Variants in BOP1 observed in about 807,000 individuals in gnomAD.
BOP1 encodes ribosome biogenesis protein BOP1.
A neutral mutation model predicts 82.9 loss-of-function variants in BOP1; 54 were observed. That is an observed-to-expected ratio of 0.65 (90% CI 0.52 to 0.82). BOP1 has a LOEUF of 0.82. Among genes scored for constraint, BOP1 ranks in the 40% least tolerant of loss-of-function variants. The probability of loss-of-function intolerance (pLI) is 0.00; values close to 1 mark genes in which losing one functional copy is unlikely to be tolerated. For synonymous variants in BOP1, 566 were observed against 451.1 expected (o/e 1.25, Z -3.23); for missense variants, 1,170 against 1,072.0 (o/e 1.09, Z -1.28).
intron 3 of BOP1, among the ~76,000 whole-genome samples, chr8:144,270,298 A>G (rs1036133904): frequency 1.4e-3 from 213 of 152,242 alleles, no homozygotes; most frequent in African/African-American, 4.9e-3. Flanking sequence ...GAGGGAGTGC[A>G]GGGGAAAGAG....
At chr8:144,267,156 C>T in intron 3 of BOP1, 1 of 1,531,094 alleles carries the variant, frequency 6.5e-7, no homozygotes, top group Non-Finnish European at 8.7e-7. Flanking sequence ...TCTGCACCTT[C>T]TGCCTCAGCA....
intron 3 of BOP1, among the ~76,000 whole-genome samples, chr8:144,266,272 G>A (rs1246539863): frequency 6.6e-6 from 1 of 152,112 alleles, no homozygotes; most frequent in Non-Finnish European, 1.5e-5. Context: ...CGCATCCCCA[G>A]AGACGGAACG....
chr8:144,265,350 T>G, intron 3 of BOP1: 3 of 552,588 alleles, frequency 5.4e-6, no homozygotes, highest in Non-Finnish European at 9.7e-6. Flanking sequence ...CCTCACTGGA[T>G]TCCTTGGCCA....
At chr8:144,268,319 G>A (rs1002657672) in intron 3 of BOP1, 14 of 887,390 alleles carry the variant, frequency 1.6e-5, no homozygotes, top group South Asian at 5.2e-5. Context: ...GACAGGCGCC[G>A]GCAGCGGGAC....
At chr8:144,288,419 T>C (rs1814942224) in intron 2 of BOP1, among the ~76,000 whole-genome samples, 1 of 150,870 alleles carries the variant, frequency 6.6e-6, no homozygotes, top group Admixed American at 6.6e-5. Context: ...TCCCAGCTAC[T>C]AGAGAGGCTG....
chr8:144,276,415 G>T, intron 2 of BOP1, 111 bp from the exon 3 acceptor site: 1 of 1,240,422 alleles, frequency 8.1e-7, no homozygotes, highest in Non-Finnish European at 1.1e-6. Context: ...CTCCAGCCTG[G>T]CACAGGCCTC....
chr8:144,286,904 G>C (rs1814894633), intron 2 of BOP1, among the ~76,000 whole-genome samples: 1 of 152,258 alleles, frequency 6.6e-6, no homozygotes, highest in African/African-American at 2.4e-5. Context: ...AGGACCTGGT[G>C]CTCCAGGGGC....
At position 144,263,558 on chromosome 8, in the gene BOP1, C is replaced by CA; in HGVS notation, c.1343dup (p.Arg449GlufsTer58). 1 of 1,602,012 alleles carries CA rather than the reference C, an allele frequency of 6.2e-7. No individual in the cohort carries two copies. The highest frequency in any genetic ancestry group is 8.5e-7 in the Non-Finnish European group (1 of 1,179,742). ...CCACGCCCCCCACGGGAACAGTCCT[C>CA]ACACAGCGGGCAGTGGCCACCTCCC... On this transcript the variant is annotated frameshift_variant, in exon 11 of 16. Coordinates refer to ENST00000569669, the MANE Select transcript of BOP1 (RefSeq NM_015201.5). LOFTEE classifies it high-confidence loss of function.
chr8:144,287,547 C>G (rs1554839606), intron 2 of BOP1, among the ~76,000 whole-genome samples: 1 of 152,042 alleles, frequency 6.6e-6, no homozygotes, highest in Non-Finnish European at 1.5e-5. Context: ...GTCACCCAGG[C>G]TGGAGTGCAG....
chr8:144,267,171 G>C (rs1377328884), intron 3 of BOP1: 3 of 1,528,996 alleles, frequency 2.0e-6, no homozygotes, highest in Non-Finnish European at 1.7e-6. Context: ...TCAGCAACCA[G>C]AGAAAGTTGG....
rs1419161803 is a variant in BOP1, at chr8:144,264,216, C to A, written c.978+9G>T. On this transcript the variant is annotated intron_variant, in intron 7 of 15. Coordinates refer to ENST00000569669, the MANE Select transcript of BOP1 (RefSeq NM_015201.5). ...GGACAGGGTCCCGGCCCCCAGGATG[C>A]AGGCCCACCTCCTCCTCGCTGAGCA... 1 of 1,607,018 alleles carries A rather than the reference C, an allele frequency of 6.2e-7. No individual in the cohort carries two copies. The highest frequency in any genetic ancestry group is 8.5e-7 in the Non-Finnish European group (1 of 1,177,854).
intron 2 of BOP1, among the ~76,000 whole-genome samples, chr8:144,283,201 C>CAAAAAAAAAAAAAAAAGAA (rs1814765910): frequency 1.8e-5 from 1 of 54,346 alleles, no homozygotes; most frequent in African/African-American, 1.4e-4. Flanking sequence ...AACTCCATCT[C>CAAAAAAAAAAAAAAAAGAA]AAAAAAAAAA....
At chr8:144,277,235 G>C (rs1845581407) in intron 2 of BOP1, among the ~76,000 whole-genome samples, 1 of 151,644 alleles carries the variant, frequency 6.6e-6, no homozygotes, top group African/African-American at 2.4e-5. Context: ...AATATAAAGA[G>C]AGATGGGAGA....
chr8:144,267,140 A>G (rs1845392015), intron 3 of BOP1: 1 of 1,526,326 alleles, frequency 6.6e-7, no homozygotes, highest in Non-Finnish European at 8.7e-7. Flanking sequence ...ACCCAGCCCA[A>G]ACAGATCTGC....
rs1231832789 is a variant in BOP1, at chr8:144,263,102, G to A, written c.1645C>T (p.Leu549=). Residue 549 remains leucine (L), a synonymous_variant, in exon 13 of 16, where the codon CTG becomes TTG. Coordinates refer to ENST00000569669, the MANE Select transcript of BOP1 (RefSeq NM_015201.5). The stretch of plus-strand genomic sequence containing the variant: ...CCTTGGGTGGCCAGCACCACGGCCA[G>A]GTAGTCCCCACGCCCGTGCCAGGTC... ...QVTWHGRGDY[L]AVVLATQGHT... is the part of the protein sequence containing the mutation. The A allele has an allele frequency of 8.2e-6, 13 of 1,593,160 alleles. No individual in the cohort carries two copies. Among genetic ancestry groups the A allele is most frequent in the African/African-American group, 5.3e-5 (4 of 74,784 alleles).
At chr8:144,274,619 C>T (rs1048364152) in intron 3 of BOP1, among the ~76,000 whole-genome samples, 4 of 152,250 alleles carry the variant, frequency 2.6e-5, no homozygotes, top group Admixed American at 1.3e-4. Flanking sequence ...GGGCAGCACC[C>T]GGGCTCCCTC....
intron 3 of BOP1, among the ~76,000 whole-genome samples, chr8:144,268,806 G>A (rs1257404148): frequency 6.7e-6 from 1 of 150,250 alleles, no homozygotes; most frequent in Non-Finnish European, 1.5e-5. Context: ...CAGGGACAGG[G>A]AGGCAGCGGC....
At chr8:144,268,076 G>A in intron 3 of BOP1, 1 of 1,549,818 alleles carries the variant, frequency 6.5e-7, no homozygotes. Flanking sequence ...CTCTGCCGGG[G>A]CCTGACACTC....
intron 13 of BOP1, 41 bp from the exon 14 acceptor site, chr8:144,262,713 C>G (rs1323504807): frequency 1.9e-6 from 3 of 1,606,520 alleles, no homozygotes; most frequent in Admixed American, 1.7e-5. Flanking sequence ...CCGCTCTCAC[C>G]TGCAGGGTGC....
Sources: allele counts gnomAD v4.1 joint callset (sites outside exome capture counted in the v4.1 genomes callset), GRCh38; gene constraint gnomAD v4.1.1; transcripts MANE v1.5; gene names NCBI Gene and HGNC (gene_info 2026-07-23, HGNC 2026-07-21).